Variants in CCDC148 observed in about 807,000 individuals in gnomAD.
CCDC148 encodes coiled-coil domain containing 148.
CCDC148 carries 89 observed loss-of-function variants against 85.7 expected under a neutral mutation model. That is an observed-to-expected ratio of 1.04 (90% CI 0.87 to 1.24). CCDC148 has a LOEUF of 1.24. Among genes scored for constraint, CCDC148 ranks in the 50% most tolerant of loss-of-function variants. The pLI is 0.00. For synonymous variants in CCDC148, 230 were observed against 213.9 expected, an observed-to-expected ratio of 1.08 and a Z score of -0.66; for missense variants, 692 against 671.7, an observed-to-expected ratio of 1.03 and a Z score of -0.33.
At chr2:158,316,868 G>T (rs1389269021) in intron 7 of CCDC148, among the ~76,000 whole-genome samples, 1 of 152,156 alleles carries the variant, frequency 6.6e-6, no homozygotes, top group Non-Finnish European at 1.5e-5. Context: ...AGCCACTTCT[G>T]AGGAACATGC....
intron 1 of CCDC148, among the ~76,000 whole-genome samples, chr2:158,443,401 G>C (rs894385656): frequency 6.6e-6 from 1 of 151,200 alleles, no homozygotes; most frequent in Non-Finnish European, 1.5e-5. Context: ...CTACTTAGCA[G>C]GCTGAGATGG....
At chr2:158,347,877 G>A (rs9917127) in intron 2 of CCDC148, among the ~76,000 whole-genome samples, 140,730 of 152,140 alleles carry the variant, frequency 0.93, 65,134 homozygotes, top group East Asian at 0.98. Flanking sequence ...GTGAGTTATA[G>A]CTCAATAAAG....
At chr2:158,438,715 C>T (rs1687787060) in intron 1 of CCDC148, among the ~76,000 whole-genome samples, 1 of 152,140 alleles carries the variant, frequency 6.6e-6, no homozygotes, top group African/African-American at 2.4e-5. Context: ...AAAATTTTTG[C>T]AATCTACTCA....
At chr2:158,418,585 G>A (rs1337068837) in intron 1 of CCDC148, among the ~76,000 whole-genome samples, 2 of 151,976 alleles carry the variant, frequency 1.3e-5, no homozygotes, top group Non-Finnish European at 2.9e-5. Flanking sequence ...TCATAGTTCA[G>A]GTCTTGTTTC....
At chr2:158,220,787 T>A (rs1687140335) in intron 10 of CCDC148, 74 bp from the exon 11 acceptor site, 1 of 1,132,026 alleles carries the variant, frequency 8.8e-7, no homozygotes, top group African/African-American at 1.6e-5. Flanking sequence ...CATAACCATA[T>A]CCACTGGTTC....
At chr2:158,443,516 A>AAAAGAAAAGAAAAG (rs1331532341) in intron 1 of CCDC148, among the ~76,000 whole-genome samples, 1 of 24,454 alleles carries the variant, frequency 4.1e-5, no homozygotes, top group Non-Finnish European at 1.5e-4. Flanking sequence ...AAAAAAAAAA[A>AAAAGAAAAGAAAAG]AAAAAAAGAA....
At chr2:158,230,453 G>T (rs1467178911) in intron 10 of CCDC148, among the ~76,000 whole-genome samples, 1 of 152,120 alleles carries the variant, frequency 6.6e-6, no homozygotes, top group Non-Finnish European at 1.5e-5. Flanking sequence ...TTGGGAAGAG[G>T]GTGCAACAGC....
rs563378959 is a variant in CCDC148, at chr2:158,375,690, T to A, written c.26-17120A>T. Among the ~76,000 whole-genome samples the A allele has an allele frequency of 1.1e-4, 16 of 152,238 alleles. No homozygotes were observed. The South Asian group carries it at 3.3e-3, about 32-fold the overall frequency. The stretch of plus-strand genomic sequence containing the variant: ...ACTGTAAATGACCATGTGATACACT[T>A]CCAACCAATGAGACATGACTAGAGA... On this transcript the variant is annotated intron_variant, in intron 1 of 13. Coordinates refer to ENST00000283233, the MANE Select transcript of CCDC148 (RefSeq NM_138803.4).
At chr2:158,413,529 G>T in intron 1 of CCDC148, among the ~76,000 whole-genome samples, 1 of 151,764 alleles carries the variant, frequency 6.6e-6, no homozygotes, top group East Asian at 1.9e-4. Flanking sequence ...TAGCTACTAA[G>T]GATAAAGTGA....
chr2:158,394,247 A>G (rs1464813436), intron 1 of CCDC148, among the ~76,000 whole-genome samples: 1 of 152,136 alleles, frequency 6.6e-6, no homozygotes, highest in Non-Finnish European at 1.5e-5. Flanking sequence ...GCAGAGAGAC[A>G]GTGTATTATA....
rs182868248 is a variant in CCDC148, at chr2:158,397,293, C to A, written c.26-38723G>T. On this transcript the variant is annotated intron_variant, in intron 1 of 13. Transcript: ENST00000283233. ...ATACAGAGAACACTACAAAGATAAT[C>A]CTCGAGAAGAGTAACCCCAAGACAC... Among the ~76,000 whole-genome samples the A allele has an allele frequency of 1.1e-4, 17 of 152,172 alleles. No homozygotes were observed. In the East Asian group the frequency reaches 3.3e-3, roughly 29 times the overall value.
chr2:158,220,210 GT>G (rs1687101463), intron 11 of CCDC148, among the ~76,000 whole-genome samples: 1 of 152,138 alleles, frequency 6.6e-6, no homozygotes, highest in African/African-American at 2.4e-5. Context: ...GTATAATTGT[GT>G]ACTGTCTTCC....
intron 1 of CCDC148, among the ~76,000 whole-genome samples, chr2:158,360,758 C>G (rs747096297): frequency 1.3e-5 from 2 of 151,968 alleles, no homozygotes; most frequent in African/African-American, 4.8e-5. Context: ...AAAACCAGTA[C>G]GCCTCTTCCA....
At chr2:158,279,444 G>C (rs943945992) in intron 9 of CCDC148, among the ~76,000 whole-genome samples, 1 of 152,240 alleles carries the variant, frequency 6.6e-6, no homozygotes, top group African/African-American at 2.4e-5. Context: ...AGCTGATGGA[G>C]CTGAAAGCCA....
intron 10 of CCDC148, among the ~76,000 whole-genome samples, chr2:158,239,970 TC>T (rs1366924931): frequency 1.3e-5 from 2 of 152,150 alleles, no homozygotes; most frequent in African/African-American, 4.8e-5. Context: ...TAAAAAATAC[TC>T]CCTTAAACTT....
At chr2:158,204,867 G>A (rs1169130390) in intron 11 of CCDC148, among the ~76,000 whole-genome samples, 2 of 152,178 alleles carry the variant, frequency 1.3e-5, no homozygotes, top group Non-Finnish European at 2.9e-5. Flanking sequence ...GTCAGCCACA[G>A]GAATGTTCCC....
chr2:158,310,238 G>A (rs936753861), intron 8 of CCDC148, among the ~76,000 whole-genome samples: 1 of 152,104 alleles, frequency 6.6e-6, no homozygotes, highest in African/African-American at 2.4e-5. Flanking sequence ...CACGGGGTTG[G>A]GGGTAAGGTT....
chr2:158,402,127 T>C (rs1227008549), intron 1 of CCDC148, among the ~76,000 whole-genome samples: 1 of 152,070 alleles, frequency 6.6e-6, no homozygotes, highest in Non-Finnish European at 1.5e-5. Context: ...TTCATAGTTA[T>C]CATTTGATCG....
At chr2:158,387,716 C>A (rs1024528690) in intron 1 of CCDC148, among the ~76,000 whole-genome samples, 1 of 152,084 alleles carries the variant, frequency 6.6e-6, no homozygotes, top group African/African-American at 2.4e-5. Flanking sequence ...GTCAGGCTGT[C>A]CCTCCATGAT....
Sources: allele counts gnomAD v4.1 joint callset (sites outside exome capture counted in the v4.1 genomes callset), GRCh38; gene constraint gnomAD v4.1.1; transcripts MANE v1.5; gene names NCBI Gene and HGNC (gene_info 2026-07-23, HGNC 2026-07-21).